The following GSR variants were observed in gnomAD, a reference collection of about 807,000 sequenced individuals.
The protein encoded by GSR is glutathione reductase, mitochondrial.
GSR carries 48 observed loss-of-function variants against 56.5 expected under a neutral mutation model. That is an observed-to-expected ratio of 0.85 (90% CI 0.67 to 1.08). GSR has a LOEUF of 1.08. GSR is among the 50% of genes least tolerant of loss of function. The pLI is 0.00. For missense variants in GSR, 694 were observed against 703.3 expected (o/e 0.99, Z 0.15); for synonymous variants, 264 against 270.8 (o/e 0.97, Z 0.25).
Position 30,694,656 on chromosome 8 carries a change from C to T in GSR, c.796-1601G>A, listed in dbSNP as rs531749340. Among the ~76,000 whole-genome samples the T allele has an allele frequency of 2.6e-5, 4 of 151,894 alleles. No individual in the cohort carries two copies. The South Asian group carries it at 6.2e-4, about 24-fold the overall frequency. On this transcript the variant is annotated intron_variant, in intron 7 of 12. Transcript: ENST00000221130. ...AAATATATAAAAAGTAGTCAGGTGG[C>T]GCATGCCTGTAATCCCAAGCACTTT...
intron 4 of GSR, among the ~76,000 whole-genome samples, chr8:30,707,318 T>C (rs1803950829): frequency 6.6e-6 from 1 of 152,128 alleles, no homozygotes. Flanking sequence ...CATGCCACCC[T>C]CTCTCTGCAG....
At chr8:30,705,123 A>G (rs1803878752) in intron 4 of GSR, among the ~76,000 whole-genome samples, 1 of 150,826 alleles carries the variant, frequency 6.6e-6, no homozygotes. Context: ...TATTTCAGTC[A>G]GCTCCATTAA....
At chr8:30,709,932 A>C in intron 2 of GSR, 30 bp from the exon 3 acceptor site, 3 of 1,176,506 alleles carry the variant, frequency 2.5e-6, no homozygotes, top group Non-Finnish European at 3.8e-6. Context: ...AAAGGATCCA[A>C]AACAGCAGTA....
intron 1 of GSR, among the ~76,000 whole-genome samples, chr8:30,715,339 C>A (rs890038851): frequency 3.3e-5 from 5 of 151,846 alleles, no homozygotes; most frequent in Non-Finnish European, 7.4e-5. Context: ...ATCTAGAGTG[C>A]CCTTTCATCT....
intron 4 of GSR, chr8:30,704,672 G>C (rs552983539): frequency 6.6e-6 from 1 of 152,322 alleles, no homozygotes; most frequent in African/African-American, 2.4e-5. Flanking sequence ...ATGTAAGCAT[G>C]ATTACAAAGT....
Position 30,727,645 on chromosome 8 carries a change from G to C in GSR, c.191C>G (p.Ser64Cys). 6.8e-7 allele frequency: 1 copy of C among 1,477,842 alleles called. No individual in the cohort carries two copies. Among genetic ancestry groups the C allele is most frequent in the East Asian group, 2.8e-5 (1 of 35,720 alleles). 91.5% of individuals were successfully genotyped at this position (1,477,842 alleles called of 1,614,324 possible). A position where few individuals can be genotyped will look rare whatever the true frequency, so the allele number is the denominator to read the frequency against. The change falls in exon 1 of 13, where the codon TCC (serine) becomes TGC (cysteine). Residue 64 changes from serine (S) to cysteine (C), a missense_variant. Ser to Cys is a moderately radical substitution (Grantham distance 112). Transcript: ENST00000221130. Reference protein sequence around the residue: ...GPPPAAGAVASYDYLVIGGGS... With the variant: ...GPPPAAGAVACYDYLVIGGGS... ...GCCCCCGATCACCAGGTAGTCATAG[G>C]AGGCCACGGCGCCAGCAGCGGGCGG...
chr8:30,714,091 A>C (rs1258380097), intron 1 of GSR, among the ~76,000 whole-genome samples: 1 of 151,636 alleles, frequency 6.6e-6, no homozygotes, highest in Non-Finnish European at 1.5e-5. Flanking sequence ...TCGTATTCAT[A>C]TGCAGTATGT....
chr8:30,708,112 A>C lies in GSR; in HGVS notation c.452T>G (p.Val151Gly). The C allele has an allele frequency of 6.2e-7, 1 of 1,613,600 alleles. No individual in the cohort carries two copies. Among genetic ancestry groups the C allele is most frequent in the South Asian group, 1.1e-5 (1 of 91,070 alleles). Residue 151 changes from valine to glycine, a missense_variant, in exon 4 of 13, where the codon GTG becomes GGG. By Grantham distance (109) the Val-to-Gly change is moderately radical (BLOSUM62 -3). Coordinates refer to ENST00000221130, the MANE Select transcript of GSR (RefSeq NM_000637.5). ...TTGATAGATGGCATTCAGGCGGCTC[A>C]CATAGGCATCCCGCTTTTCCTTAAT... ...RVIKEKRDAY[V>G]SRLNAIYQNN... is the part of the protein sequence containing the mutation.
At chr8:30,700,539 C>T (rs111235131) in intron 5 of GSR, among the ~76,000 whole-genome samples, 10 of 151,870 alleles carry the variant, frequency 6.6e-5, no homozygotes, top group African/African-American at 1.7e-4. Flanking sequence ...GCCTGGCCAA[C>T]GTGGTGAAAC....
intron 5 of GSR, among the ~76,000 whole-genome samples, chr8:30,701,673 G>A (rs977936759): frequency 2.0e-5 from 3 of 148,526 alleles, no homozygotes; most frequent in Non-Finnish European, 3.0e-5. Context: ...TGTGCCTGTA[G>A]TACCAGCTAC....
chr8:30,708,927 C>G (rs1339093505), intron 3 of GSR, among the ~76,000 whole-genome samples: 1 of 146,882 alleles, frequency 6.8e-6, no homozygotes, highest in Non-Finnish European at 1.5e-5. Context: ...CCACTGCACT[C>G]CAGCCTGGGT....
chr8:30,679,184 C>A lies in GSR; in HGVS notation c.*336G>T, dbSNP rs1802853486. 8.5e-6 allele frequency: 2 copies of A among 234,014 alleles called. No homozygotes were observed. Among genetic ancestry groups the A allele is most frequent in the East Asian group, 1.2e-4 (1 of 8,190 alleles). 14.5% of individuals were successfully genotyped at this position (234,014 alleles called of 1,614,324 possible). ...AAAAAAAAAAGTAGCAAGTTCTATTCATTCAAGTACATTAAGTTAATTGTA... is the reference window on the plus strand; with the variant it reads ...AAAAAAAAAAGTAGCAAGTTCTATTAATTCAAGTACATTAAGTTAATTGTA... On this transcript the variant is annotated 3_prime_UTR_variant, in exon 13 of 13. Coordinates refer to ENST00000221130, the MANE Select transcript of GSR (RefSeq NM_000637.5).
At chr8:30,708,614 CAG>C (rs1249834141) in intron 3 of GSR, among the ~76,000 whole-genome samples, 2 of 152,166 alleles carry the variant, frequency 1.3e-5, no homozygotes, top group Non-Finnish European at 2.9e-5. Flanking sequence ...GAGACCTGAA[CAG>C]ATACCCATAT....
intron 1 of GSR, among the ~76,000 whole-genome samples, chr8:30,727,253 T>C (rs1360723940): frequency 6.6e-6 from 1 of 152,150 alleles, no homozygotes; most frequent in Non-Finnish European, 1.5e-5. Context: ...CAAGTGAGGA[T>C]GGAGGAAGGT....
intron 1 of GSR, among the ~76,000 whole-genome samples, chr8:30,726,189 T>C (rs961185619): frequency 6.6e-6 from 1 of 152,238 alleles, no homozygotes; most frequent in Non-Finnish European, 1.5e-5. Flanking sequence ...CACTGAACAA[T>C]GAAGTCAACC....
chr8:30,694,424 C>T (rs1376824515), intron 7 of GSR, among the ~76,000 whole-genome samples: 1 of 152,238 alleles, frequency 6.6e-6, no homozygotes, highest in Non-Finnish European at 1.5e-5. Flanking sequence ...ATTCTCCTAC[C>T]TCAGCCTCCC....
chr8:30,705,681 G>C (rs546465762), intron 4 of GSR, among the ~76,000 whole-genome samples: 3 of 152,254 alleles, frequency 2.0e-5, no homozygotes, highest in African/African-American at 7.2e-5. Flanking sequence ...GCAGTGAGCT[G>C]TGATCACGAC....
intron 1 of GSR, among the ~76,000 whole-genome samples, chr8:30,720,388 T>G (rs1383854890): frequency 1.3e-5 from 2 of 152,106 alleles, no homozygotes; most frequent in Non-Finnish European, 2.9e-5. Flanking sequence ...CACTATCGAT[T>G]TATCAACTCA....
chr8:30,727,321 C>T (rs1177948884), intron 1 of GSR, among the ~76,000 whole-genome samples: 1 of 152,240 alleles, frequency 6.6e-6, no homozygotes, highest in African/African-American at 2.4e-5. Flanking sequence ...CAGACGCTGG[C>T]TCGGCTTTGC....
Sources: allele counts gnomAD v4.1 joint callset (sites outside exome capture counted in the v4.1 genomes callset), GRCh38; gene constraint gnomAD v4.1.1; transcripts MANE v1.5; gene names NCBI Gene and HGNC (gene_info 2026-07-23, HGNC 2026-07-21).